Variants in RBM19 observed in about 807,000 individuals in gnomAD.
RBM19 encodes RNA binding motif protein 19.
Under a neutral mutation model 116.8 loss-of-function variants are expected in RBM19, and 94 were observed. The ratio of observed to expected loss-of-function variants is 0.80; its 90% confidence interval spans 0.68 to 0.95. The LOEUF is 0.95. Ranked by LOEUF, RBM19 falls within the 40% of genes least tolerant of loss-of-function variation. The probability of loss-of-function intolerance (pLI) is 0.00; values close to 1 mark genes in which losing one functional copy is unlikely to be tolerated. For missense variants in RBM19, 1,161 were observed against 1,220.7 expected (o/e 0.95, Z 0.73); for synonymous variants, 475 against 494.1 (o/e 0.96, Z 0.51).
intron 16 of RBM19, among the ~76,000 whole-genome samples, chr12:113,930,545 C>A (rs891748247): frequency 1.3e-5 from 2 of 152,220 alleles, no homozygotes; most frequent in African/African-American, 4.8e-5. Flanking sequence ...AAGGTGAAGA[C>A]CTATTATCTG....
intron 21 of RBM19, among the ~76,000 whole-genome samples, chr12:113,902,538 T>C (rs563483413): frequency 1.4e-5 from 2 of 145,980 alleles, no homozygotes; most frequent in South Asian, 4.3e-4. Context: ...GTTTGAGGCT[T>C]CAGTGAGCAA....
At chr12:113,846,011 TG>T (rs2135719920) in intron 22 of RBM19, among the ~76,000 whole-genome samples, 1 of 152,358 alleles carries the variant, frequency 6.6e-6, no homozygotes, top group Non-Finnish European at 1.5e-5. Flanking sequence ...TAGAACAGTA[TG>T]GGCACACCAT....
intron 23 of RBM19, among the ~76,000 whole-genome samples, chr12:113,830,688 G>A (rs1414844634): frequency 1.3e-5 from 2 of 151,746 alleles, no homozygotes; most frequent in South Asian, 2.1e-4. Flanking sequence ...GGAGTGTCCC[G>A]GTGAGGGTGA....
intron 21 of RBM19, among the ~76,000 whole-genome samples, chr12:113,884,294 AGT>A (rs1491277663): frequency 1.7e-4 from 16 of 92,114 alleles, no homozygotes; most frequent in African/African-American, 8.9e-4. Context: ...AAAAAAAAAA[AGT>A]ATACACACAC....
chr12:113,818,579 A>G (rs962300547), downstream of RBM19, among the ~76,000 whole-genome samples: 12 of 152,250 alleles, frequency 7.9e-5, no homozygotes, highest in African/African-American at 2.9e-4. Context: ...AATGATGGCA[A>G]CTACCATTAC....
intron 16 of RBM19, chr12:113,927,485 C>A: frequency 4.5e-6 from 2 of 440,448 alleles, no homozygotes; most frequent in South Asian, 5.1e-5. Flanking sequence ...CAAATGGAGC[C>A]TTAAACAGGA....
At chr12:113,927,698 G>A (rs1385700568) in intron 16 of RBM19, among the ~76,000 whole-genome samples, 1 of 151,066 alleles carries the variant, frequency 6.6e-6, no homozygotes, top group Non-Finnish European at 1.5e-5. Context: ...AACTTAGGAA[G>A]AGTCTAAATA....
At chr12:113,848,427 G>C (rs937623719) in intron 22 of RBM19, among the ~76,000 whole-genome samples, 1 of 152,180 alleles carries the variant, frequency 6.6e-6, no homozygotes, top group Non-Finnish European at 1.5e-5. Context: ...TCAAACTGTC[G>C]CAGGCAGTGT....
chr12:113,829,347 G>A (rs936993097), intron 23 of RBM19, among the ~76,000 whole-genome samples: 2 of 152,224 alleles, frequency 1.3e-5, no homozygotes, highest in African/African-American at 4.8e-5. Flanking sequence ...GGGTCCTTGT[G>A]CAGAGCGGGT....
chr12:113,854,380 G>A (rs779073187), intron 22 of RBM19, among the ~76,000 whole-genome samples: 1 of 152,068 alleles, frequency 6.6e-6, no homozygotes, highest in Non-Finnish European at 1.5e-5. Context: ...CCGTGCACAC[G>A]GTGTAGACCC....
At chr12:113,945,757 A>G in intron 13 of RBM19, 71 bp downstream of exon 13, 1 of 1,321,176 alleles carries the variant, frequency 7.6e-7, no homozygotes, top group Non-Finnish European at 1.1e-6. Flanking sequence ...CAGCAGTACA[A>G]CGAGCCTCCT....
intron 16 of RBM19, among the ~76,000 whole-genome samples, chr12:113,927,591 CAAA>C (rs764020256): frequency 3.2e-5 from 2 of 63,060 alleles, no homozygotes; most frequent in Admixed American, 3.4e-4. Flanking sequence ...CCTCAAAAAA[CAAA>C]AAAAAAAAAA....
intron 21 of RBM19, among the ~76,000 whole-genome samples, chr12:113,899,880 G>A (rs941169250): frequency 1.3e-5 from 2 of 151,960 alleles, no homozygotes; most frequent in African/African-American, 4.8e-5. Context: ...GCGGCCCTCC[G>A]AGCAAGCCCA....
At chr12:113,959,990 T>C (rs1872349229) in intron 3 of RBM19, 69 bp downstream of exon 3, 2 of 1,613,882 alleles carry the variant, frequency 1.2e-6, no homozygotes, top group South Asian at 2.2e-5. Context: ...GGGCCCATCT[T>C]TGGGAACCAA....
At chr12:113,868,196 A>C (rs1878974655) in intron 21 of RBM19, among the ~76,000 whole-genome samples, 1 of 152,154 alleles carries the variant, frequency 6.6e-6, no homozygotes, top group Admixed American at 6.5e-5. Flanking sequence ...TATTTACCAA[A>C]ATGTACAAAG....
chr12:113,908,555 C>T (rs1409043706), intron 21 of RBM19, among the ~76,000 whole-genome samples: 3 of 117,416 alleles, frequency 2.6e-5, no homozygotes, highest in Non-Finnish European at 3.3e-5. Flanking sequence ...GTGGTTCACA[C>T]CTCAAGGAAG....
chr12:113,927,040 G>A lies in RBM19; in HGVS notation c.2244+14C>T, dbSNP rs763879933. The A allele has an allele frequency of 1.2e-6, 2 of 1,610,810 alleles. No individual in the cohort carries two copies. The highest frequency in any genetic ancestry group is 4.5e-5 in the East Asian group (2 of 44,886). On this transcript the variant is annotated intron_variant, in intron 17 of 23. Transcript: ENST00000261741. ...ATCCCACGCCCCTCCCTCCTGGGCT[G>A]AGAAACCACTCACTTCCTTCAGCTT...
intron 21 of RBM19, among the ~76,000 whole-genome samples, chr12:113,874,876 G>A (rs1438980693): frequency 1.3e-5 from 2 of 152,248 alleles, no homozygotes; most frequent in Admixed American, 6.5e-5. Flanking sequence ...AAAAGAGGGA[G>A]CGGGCATGGT....
Position 113,823,077 on chromosome 12 carries a change from T to C in RBM19, c.*147A>G, listed in dbSNP as rs933070570. The C allele has an allele frequency of 1.3e-5, 9 of 695,788 alleles. No individual in the cohort carries two copies. The highest frequency in any genetic ancestry group is 3.6e-5 in the African/African-American group (2 of 55,084). 43.1% of individuals were successfully genotyped at this position (695,788 alleles called of 1,614,324 possible). ...GTGGCCTGAGGCCTTCCTCATCCCC[T>C]GTCTCCTCCGACCTTGGACCAGTGC... On this transcript the variant is annotated 3_prime_UTR_variant, in exon 24 of 24. Coordinates refer to ENST00000261741, the MANE Select transcript of RBM19 (RefSeq NM_016196.4).
Sources: gnomAD v4.1 joint callset for allele counts (sites outside exome capture counted in the v4.1 genomes callset) on GRCh38, gnomAD v4.1.1 for gene constraint, MANE v1.5 for transcripts, NCBI Gene and HGNC (gene_info 2026-07-23, HGNC 2026-07-21) for gene names.